Variants in ARIH1 observed in about 807,000 individuals in gnomAD.
ARIH1 encodes E3 ubiquitin-protein ligase ARIH1.
A neutral mutation model predicts 85.0 loss-of-function variants in ARIH1; 8 were observed. The observed-to-expected ratio is 0.09, with a 90% CI of 0.06 to 0.17. ARIH1 has a LOEUF of 0.17. ARIH1 is among the 10% of genes least tolerant of loss of function. ARIH1 has a pLI of 1.00. For missense variants in ARIH1, 311 were observed against 718.1 expected, an observed-to-expected ratio of 0.43 and a Z score of 6.48; for synonymous variants, 238 against 253.6, an observed-to-expected ratio of 0.94 and a Z score of 0.59.
chr15:72,475,564 C>A (rs1309770752), intron 1 of ARIH1, among the ~76,000 whole-genome samples: 1 of 152,192 alleles, frequency 6.6e-6, no homozygotes, highest in African/African-American at 2.4e-5. Flanking sequence ...GGAAGTATTT[C>A]TCGGAAGAGG....
intron 3 of ARIH1, among the ~76,000 whole-genome samples, chr15:72,546,095 A>T (rs765400099): frequency 1.3e-5 from 2 of 152,086 alleles, no homozygotes; most frequent in Non-Finnish European, 2.9e-5. Flanking sequence ...ATGGCTATTC[A>T]CAGGCACAGT....
chr15:72,543,824 A>C (rs2064117907), intron 2 of ARIH1, among the ~76,000 whole-genome samples: 1 of 151,920 alleles, frequency 6.6e-6, no homozygotes, highest in African/African-American at 2.4e-5. Context: ...TTTGCTGGTT[A>C]TATTGGTTTT....
At chr15:72,562,441 T>G (rs915331128) in intron 6 of ARIH1, among the ~76,000 whole-genome samples, 15 of 152,346 alleles carry the variant, frequency 9.8e-5, no homozygotes, top group African/African-American at 3.4e-4. Flanking sequence ...AGATTAAACC[T>G]GGAAACAGCC....
intron 2 of ARIH1, among the ~76,000 whole-genome samples, chr15:72,534,569 C>T (rs924729929): frequency 6.6e-6 from 1 of 152,204 alleles, no homozygotes; most frequent in Admixed American, 6.5e-5. Flanking sequence ...TTTGTACCTA[C>T]AAGTAAACTT....
In ARIH1 at chr15:72,534,959, C is replaced by CTTTTTTTTTTTTTTT. The variant is rs59841210; in HGVS notation, c.444-9850_444-9849insTTTTTTTTTTTTTTT. 2.4e-4 allele frequency among the ~76,000 whole-genome samples: 18 copies of CTTTTTTTTTTTTTTT among 73,906 alleles called. 3 individuals are homozygous for CTTTTTTTTTTTTTTT. The highest frequency in any genetic ancestry group is 1.4e-3 in the East Asian group (2 of 1,432). 48.5% of individuals were successfully genotyped at this position (73,906 alleles called of 152,430 possible). A position where few individuals can be genotyped will look rare whatever the true frequency, so the allele number is the denominator to read the frequency against. On this transcript the variant is annotated intron_variant, in intron 2 of 13. Coordinates refer to ENST00000379887, the MANE Select transcript of ARIH1 (RefSeq NM_005744.5). ...CCTATGTCTTCTTATTGTCTGTATT[C>CTTTTTTTTTTTTTTT]TTTTTTTTTTTGAGACGGAGTCTCG...
At position 72,547,380 on chromosome 15, in the gene ARIH1, C is replaced by T. The variant is rs560485981; in HGVS notation, c.588+2416C>T. Reference sequence around the variant, plus strand: ...CCCGAGTAGCTGGGACTACAAGCGCCGGCCACCACACCCGGCTAATTTTTG... The same window carrying T: ...CCCGAGTAGCTGGGACTACAAGCGCTGGCCACCACACCCGGCTAATTTTTG... On this transcript the variant is annotated intron_variant, in intron 3 of 13. Transcript: ENST00000379887. Among the ~76,000 whole-genome samples, 334 of 151,508 alleles carry T rather than the reference C, an allele frequency of 2.2e-3. 1 individual carries two copies. The highest frequency in any genetic ancestry group is 3.3e-3 in the Admixed American group (50 of 15,224).
At chr15:72,551,840 G>GAA (rs1372308544) in intron 3 of ARIH1, among the ~76,000 whole-genome samples, 1 of 152,022 alleles carries the variant, frequency 6.6e-6, no homozygotes, top group Non-Finnish European at 1.5e-5. Flanking sequence ...AGAGTATACA[G>GAA]AAAAAGAAAT....
chr15:72,557,228 A>G (rs2064178240), intron 5 of ARIH1, among the ~76,000 whole-genome samples: 1 of 151,854 alleles, frequency 6.6e-6, no homozygotes, highest in Non-Finnish European at 1.5e-5. Flanking sequence ...GGTGTTGAGC[A>G]TTTTTTTGTA....
intron 2 of ARIH1, among the ~76,000 whole-genome samples, chr15:72,539,544 T>C (rs1341929472): frequency 2.0e-5 from 3 of 151,936 alleles, no homozygotes; most frequent in Admixed American, 2.0e-4. Flanking sequence ...AGAAAATAGG[T>C]CTGGAAGACA....
intron 2 of ARIH1, among the ~76,000 whole-genome samples, chr15:72,529,053 A>G (rs899328573): frequency 5.3e-5 from 8 of 152,080 alleles, no homozygotes; most frequent in African/African-American, 1.9e-4. Flanking sequence ...ACAAAAAATT[A>G]GCCGCGTGTG....
At chr15:72,517,500 C>T (rs1210253318) in intron 1 of ARIH1, among the ~76,000 whole-genome samples, 1 of 152,068 alleles carries the variant, frequency 6.6e-6, no homozygotes, top group Non-Finnish European at 1.5e-5. Flanking sequence ...TCTTGGCTCA[C>T]TGCAACCTCC....
chr15:72,529,606 G>A (rs561761801), intron 2 of ARIH1, among the ~76,000 whole-genome samples: 95 of 152,318 alleles, frequency 6.2e-4, no homozygotes, highest in Middle Eastern at 3.4e-3. Context: ...ACCATGGTAC[G>A]TAGAGATAAG....
intron 2 of ARIH1, among the ~76,000 whole-genome samples, chr15:72,541,177 G>C (rs1302519073): frequency 1.3e-5 from 2 of 152,182 alleles, no homozygotes; most frequent in African/African-American, 2.4e-5. Flanking sequence ...CTACAGCTGT[G>C]AGGGTTTAGC....
At chr15:72,516,331 G>A (rs1404071556) in intron 1 of ARIH1, among the ~76,000 whole-genome samples, 2 of 152,074 alleles carry the variant, frequency 1.3e-5, no homozygotes, top group Non-Finnish European at 2.9e-5. Flanking sequence ...TTAAGATTTA[G>A]CTTATTTTAC....
At chr15:72,487,365 C>T (rs1296581177) in intron 1 of ARIH1, among the ~76,000 whole-genome samples, 2 of 152,136 alleles carry the variant, frequency 1.3e-5, no homozygotes, top group African/African-American at 4.8e-5. Flanking sequence ...GTAATATGTC[C>T]TCTCTCCTAA....
intron 1 of ARIH1, among the ~76,000 whole-genome samples, chr15:72,486,437 G>C (rs560006319): frequency 1.3e-5 from 2 of 152,170 alleles, no homozygotes; most frequent in South Asian, 4.1e-4. Context: ...AACATAGCAT[G>C]TATAAGTTCG....
rs962811969 is a variant in ARIH1, at chr15:72,586,363, AT to A, written c.*3072del. The A allele has an allele frequency of 1.3e-5, 2 of 151,884 alleles. No individual in the cohort carries two copies. The highest frequency in any genetic ancestry group is 2.9e-5 in the Non-Finnish European group (2 of 67,950). 9.4% of individuals were successfully genotyped at this position (151,884 alleles called of 1,614,324 possible). On this transcript the variant is annotated 3_prime_UTR_variant, in exon 14 of 14. Coordinates refer to ENST00000379887, the MANE Select transcript of ARIH1 (RefSeq NM_005744.5). ...ACCCCGGTAATAGAGCACTTGGGGG[AT>A]GGGATGGGGTGGGTTGGTGAGACAA...
chr15:72,521,261 A>G (rs2063998761), intron 2 of ARIH1, among the ~76,000 whole-genome samples: 1 of 130,424 alleles, frequency 7.7e-6, no homozygotes, highest in Non-Finnish European at 1.6e-5. Context: ...TTTTCTAAAT[A>G]CACTGTTTTT....
Position 72,506,067 on chromosome 15 carries a change from G to C in ARIH1, c.376-12000G>C, listed in dbSNP as rs1315575622. Among the ~76,000 whole-genome samples, 3 of 26,502 alleles carry C rather than the reference G, an allele frequency of 1.1e-4. No individual in the cohort carries two copies. The Non-Finnish European group carries it at 5.0e-3, about 44-fold the overall frequency. The allele number at this position is 26,502 out of a possible 152,430, so 17.4% of individuals were successfully genotyped here. The stretch of plus-strand genomic sequence containing the variant: ...CAGCTTTTAAAAACTTAGTCATTGT[G>C]GGCCAGGCGCGTGGCTCACGCCTAT... On this transcript the variant is annotated intron_variant, in intron 1 of 13. Coordinates refer to ENST00000379887, the MANE Select transcript of ARIH1 (RefSeq NM_005744.5).
Sources: allele counts gnomAD v4.1 joint callset (sites outside exome capture counted in the v4.1 genomes callset), GRCh38; gene constraint gnomAD v4.1.1; transcripts MANE v1.5; gene names NCBI Gene and HGNC (gene_info 2026-07-23, HGNC 2026-07-21).